Variants in TBXAS1 observed in about 807,000 individuals in gnomAD.
TBXAS1 encodes thromboxane A synthase 1.
A neutral mutation model predicts 60.7 loss-of-function variants in TBXAS1; 48 were observed. The ratio of observed to expected loss-of-function variants is 0.79; its 90% CI spans 0.63 to 1.01. The LOEUF is 1.01. Ranked by LOEUF, TBXAS1 falls within the 50% of genes least tolerant of loss-of-function variation. The pLI is 0.00. For missense variants in TBXAS1, 685 were observed against 686.3 expected, an observed-to-expected ratio of 1.00 and a Z score of 0.02; for synonymous variants, 287 against 269.7, an observed-to-expected ratio of 1.06 and a Z score of -0.63.
chr7:139,840,536 C>CT (rs1371676528), intron 1 of TBXAS1, among the ~76,000 whole-genome samples: 2 of 152,150 alleles, frequency 1.3e-5, no homozygotes, highest in Admixed American at 6.5e-5. Context: ...TAAAGTACTG[C>CT]TGCATATGGC....
intron 2 of TBXAS1, among the ~76,000 whole-genome samples, chr7:139,781,474 G>T (rs1429191845): frequency 3.3e-5 from 5 of 152,148 alleles, no homozygotes; most frequent in Admixed American, 2.6e-4. Flanking sequence ...CAGGACGGGG[G>T]ATTCCTCAAC....
chr7:139,841,680 C>T (rs1322875426), intron 1 of TBXAS1, among the ~76,000 whole-genome samples: 2 of 152,036 alleles, frequency 1.3e-5, no homozygotes, highest in African/African-American at 4.8e-5. Flanking sequence ...TATCCCTATC[C>T]TTCTCCTCAC....
Position 139,797,991 on chromosome 7 carries a change from C to T in TBXAS1, c.-80+10565C>T, listed in dbSNP as rs570284063. ...ATGATATGCATTCAAAGTGCTTAGC[C>T]TGGGGGTCGCCATTGTGTACACACA... On this transcript the variant is annotated intron_variant, in intron 4 of 16. Coordinates refer to the TBXAS1 transcript ENST00000336425. Among the ~76,000 whole-genome samples the T allele has an allele frequency of 3.9e-5, 6 of 152,282 alleles. No homozygotes were observed. In the South Asian group the frequency reaches 1.2e-3, roughly 32 times the overall value.
At chr7:139,945,574 A>G (rs941140426) in intron 5 of TBXAS1, among the ~76,000 whole-genome samples, 2 of 152,238 alleles carry the variant, frequency 1.3e-5, no homozygotes, top group African/African-American at 4.8e-5. Context: ...GGGGTGTGCT[A>G]TGCTCATTCT....
chr7:139,875,434 G>A, intron 2 of TBXAS1, 151 bp from the exon 3 acceptor site: 1 of 720,524 alleles, frequency 1.4e-6, no homozygotes, highest in Non-Finnish European at 2.4e-6. Context: ...TTATTCCAAT[G>A]TTTCAAAGTA....
chr7:139,992,460 C>T (rs1053990508), intron 9 of TBXAS1, among the ~76,000 whole-genome samples: 36 of 152,354 alleles, frequency 2.4e-4, no homozygotes, highest in Middle Eastern at 3.4e-3. Context: ...CGGGGAAGCT[C>T]GCGGAGCCAT....
rs79036371 is a variant in TBXAS1 at position 139,793,647 on chromosome 7, A to G, written c.-80+6221A>G. ...CTGCTGAAAGAGTCAAAGAAAGCTT[A>G]CATGTTGAGCCAGGCATTTAGGGAT... On this transcript the variant is annotated intron_variant, in intron 4 of 16. Coordinates refer to the TBXAS1 transcript ENST00000336425. Among the ~76,000 whole-genome samples, 28 of 152,350 alleles carry G rather than the reference A, an allele frequency of 1.8e-4. 1 individual carries two copies. In the East Asian group the frequency reaches 5.0e-3, roughly 27 times the overall value.
At chr7:139,799,334 A>G (rs1271483057) in intron 4 of TBXAS1, among the ~76,000 whole-genome samples, 1 of 151,760 alleles carries the variant, frequency 6.6e-6, no homozygotes, top group Non-Finnish European at 1.5e-5. Context: ...GGTTCAAGCA[A>G]TTCTCCTGCC....
chr7:139,847,653 T>TTGCTCAC (rs1403537973), intron 1 of TBXAS1, among the ~76,000 whole-genome samples: 1 of 152,156 alleles, frequency 6.6e-6, no homozygotes, highest in Non-Finnish European at 1.5e-5. Flanking sequence ...GACTTTGTAT[T>TTGCTCAC]TGCTCACTTT....
At chr7:140,002,814 T>C (rs1299471556) in intron 9 of TBXAS1, among the ~76,000 whole-genome samples, 1 of 152,168 alleles carries the variant, frequency 6.6e-6, no homozygotes, top group South Asian at 2.1e-4. Context: ...CCATCTATAC[T>C]AAAACATATA....
At chr7:139,863,014 C>A (rs569647688) in intron 1 of TBXAS1, among the ~76,000 whole-genome samples, 18 of 152,232 alleles carry the variant, frequency 1.2e-4, no homozygotes, top group African/African-American at 4.3e-4. Context: ...CTTAGCAGCA[C>A]CTTGGGTACA....
chr7:140,007,477 GTTCGTTCATTCATTCATTCA>G (rs1182134156), intron 10 of TBXAS1, among the ~76,000 whole-genome samples: 5 of 152,304 alleles, frequency 3.3e-5, no homozygotes, highest in South Asian at 2.1e-4. Context: ...TCCCCTGCCT[GTTCGTTCATTCATTCATTCA>G]TTCGTTCATT....
chr7:139,968,480 ACATGGGATTTTTC>A (rs1584974100), intron 9 of TBXAS1, among the ~76,000 whole-genome samples: 2 of 152,078 alleles, frequency 1.3e-5, no homozygotes, highest in East Asian at 3.9e-4. Flanking sequence ...TTTTTAGTAG[ACATGGGATTTTTC>A]CATGTTGGTC....
In TBXAS1 at chr7:140,015,719, T is replaced by C. The variant is rs1173113183; in HGVS notation, c.1227-4T>C. On this transcript the variant is annotated splice_polypyrimidine_tract_variant and splice_region_variant and intron_variant, in intron 10 of 12. Transcript: ENST00000448866. ...ATCCACCCCCGACCTGGTGTTTCCC[T>C]CAGATTCACACGGGAGGCAGCTCAG... is the stretch of plus-strand genomic sequence containing the variant. 6.2e-7 allele frequency: 1 copy of C among 1,613,078 alleles called. No individual in the cohort carries two copies. Among genetic ancestry groups the C allele is most frequent in the South Asian group, 1.1e-5 (1 of 91,084 alleles).
chr7:139,784,154 C>CCCTT lies in TBXAS1; in HGVS notation c.-169+1428_-169+1431dup, dbSNP rs556322619. Among the ~76,000 whole-genome samples, 82 of 148,810 alleles carry CCCTT rather than the reference C, an allele frequency of 5.5e-4. 3 individuals are homozygous for CCCTT. In the South Asian group the frequency reaches 0.017, roughly 31 times the overall value. On this transcript the variant is annotated intron_variant, in intron 3 of 16. Coordinates refer to the TBXAS1 transcript ENST00000336425. ...CTGCCTGCCTGCCTGCCTGCCTTCC[C>CCCTT]CCTTCCCTCCCTCCCTCCCTTCTTT... is the stretch of plus-strand genomic sequence containing the variant.
chr7:139,921,234 A>G (rs1040079637), intron 4 of TBXAS1, among the ~76,000 whole-genome samples: 1 of 152,148 alleles, frequency 6.6e-6, no homozygotes, highest in Non-Finnish European at 1.5e-5. Context: ...GCCTCTTCTC[A>G]GTCAACCCAT....
chr7:139,830,904 T>C (rs1352689779), intron 1 of TBXAS1, among the ~76,000 whole-genome samples: 2 of 152,062 alleles, frequency 1.3e-5, no homozygotes, highest in Non-Finnish European at 1.5e-5. Flanking sequence ...TCAGTCTTTG[T>C]TGTGTCTGAG....
intron 1 of TBXAS1, among the ~76,000 whole-genome samples, chr7:139,851,284 C>T (rs1191549009): frequency 6.6e-6 from 1 of 152,206 alleles, no homozygotes; most frequent in Non-Finnish European, 1.5e-5. Flanking sequence ...GTGGCTGGGC[C>T]AGTTCCTGTG....
chr7:139,828,289 G>C (rs1038475265), upstream of TBXAS1, among the ~76,000 whole-genome samples: 8 of 152,062 alleles, frequency 5.3e-5, no homozygotes, highest in Non-Finnish European at 1.2e-4. Flanking sequence ...ACTTTCCAGA[G>C]CATTTCACAT....
Sources: gnomAD v4.1 joint callset for allele counts (sites outside exome capture counted in the v4.1 genomes callset) on GRCh38, gnomAD v4.1.1 for gene constraint, MANE v1.5 for transcripts, NCBI Gene and HGNC (gene_info 2026-07-23, HGNC 2026-07-21) for gene names.